Variants in NEDD4 observed in about 807,000 individuals in gnomAD.
The protein encoded by NEDD4 is E3 ubiquitin-protein ligase NEDD4.
A neutral mutation model predicts 144.9 loss-of-function variants in NEDD4; 99 were observed. The ratio of observed to expected loss-of-function variants is 0.68; its 90% CI spans 0.58 to 0.81. The LOEUF (loss-of-function observed/expected upper bound fraction) is 0.81, where lower values mean the gene tolerates loss of function less well. Among genes scored for constraint, NEDD4 ranks in the 30% least tolerant of loss-of-function variants. The pLI is 0.00. For synonymous variants in NEDD4, 318 were observed against 350.6 expected (o/e 0.91, Z 1.04); for missense variants, 985 against 1,065.9 (o/e 0.92, Z 1.06).
At chr15:55,897,178 T>C (rs7168091) in intron 5 of NEDD4, among the ~76,000 whole-genome samples, 1 of 152,118 alleles carries the variant, frequency 6.6e-6, no homozygotes, top group African/African-American at 2.4e-5. Flanking sequence ...TTTCACTGTG[T>C]TACCCAGGAT....
intron 2 of NEDD4, among the ~76,000 whole-genome samples, chr15:55,956,587 T>C (rs1176702242): frequency 2.6e-5 from 4 of 152,174 alleles, no homozygotes; most frequent in Non-Finnish European, 5.9e-5. Context: ...GCTGATCATA[T>C]ATATGTGTAT....
chr15:55,851,216 C>G (rs2033967104), intron 13 of NEDD4, among the ~76,000 whole-genome samples: 1 of 152,090 alleles, frequency 6.6e-6, no homozygotes, highest in African/African-American at 2.4e-5. Context: ...TGGCAAATAT[C>G]TACCACAGAA....
At chr15:55,841,515 A>G (rs2141984383) in intron 19 of NEDD4, among the ~76,000 whole-genome samples, 1 of 152,300 alleles carries the variant, frequency 6.6e-6, no homozygotes, top group South Asian at 2.1e-4. Context: ...CTAGAGTTGG[A>G]TAGTGGGATG....
chr15:55,879,468 C>A (rs1195146391), intron 5 of NEDD4, among the ~76,000 whole-genome samples: 1 of 152,156 alleles, frequency 6.6e-6, no homozygotes, highest in South Asian at 2.1e-4. Context: ...AAGTGAAGTC[C>A]ACTAGTCAGT....
In NEDD4 at chr15:55,863,061, C is replaced by A; in HGVS notation, c.526G>T (p.Asp176Tyr). ...AAATGGCAAGCAGCATCTGGTTGGT[C>A]CAAAACAACCCAGCCAGGCTGAAAA... ...EELEPGWVVL[D>Y]QPDAACHLQQ... The change falls in exon 9 of 29, where the codon GAC (aspartate) becomes TAC (tyrosine). Residue 176 changes from aspartate (D) to tyrosine (Y), a missense_variant. Asp to Tyr is a radical substitution (Grantham distance 160, BLOSUM62 -3). Coordinates refer to ENST00000435532, the MANE Select transcript of NEDD4 (RefSeq NM_006154.4). 1 of 1,585,444 alleles carries A rather than the reference C, an allele frequency of 6.3e-7. No individual in the cohort carries two copies. The highest frequency in any genetic ancestry group is 8.6e-7 in the Non-Finnish European group (1 of 1,161,138).
chr15:55,843,210 G>A (rs930628372), intron 18 of NEDD4, among the ~76,000 whole-genome samples: 4 of 152,154 alleles, frequency 2.6e-5, no homozygotes, highest in Non-Finnish European at 5.9e-5. Flanking sequence ...TAAATTGCCT[G>A]GTCTCAGGTA....
At chr15:55,947,787 T>C (rs1298138246) in intron 4 of NEDD4, among the ~76,000 whole-genome samples, 1 of 152,172 alleles carries the variant, frequency 6.6e-6, no homozygotes, top group African/African-American at 2.4e-5. Flanking sequence ...AATTAGGTAT[T>C]GATGGGACGT....
chr15:55,839,973 C>CAAAAAAAAAAAA (rs1157411288), intron 21 of NEDD4, among the ~76,000 whole-genome samples: 2 of 12,108 alleles, frequency 1.7e-4, no homozygotes, highest in Non-Finnish European at 1.3e-4. Flanking sequence ...CACTCTGTCT[C>CAAAAAAAAAAAA]AAAAAAAAAA....
At chr15:55,951,674 G>T in intron 2 of NEDD4, 85 bp from the exon 3 acceptor site, 1 of 995,108 alleles carries the variant, frequency 1.0e-6, no homozygotes, top group Non-Finnish European at 1.4e-6. Context: ...AAAATTCACA[G>T]TTTTCCTTGT....
At chr15:55,894,182 G>T (rs2035664233) in intron 5 of NEDD4, among the ~76,000 whole-genome samples, 1 of 152,080 alleles carries the variant, frequency 6.6e-6, no homozygotes, top group South Asian at 2.1e-4. Context: ...AAACTGTATA[G>T]TCAGCTCTCT....
At chr15:55,983,285 GGTGT>G (rs756080748) in intron 1 of NEDD4, among the ~76,000 whole-genome samples, 19 of 148,164 alleles carry the variant, frequency 1.3e-4, no homozygotes, top group Middle Eastern at 3.6e-3. Context: ...TGACGACAAT[GGTGT>G]GTGTGTGTGT....
At chr15:55,861,416 T>A (rs1244892670) in intron 9 of NEDD4, among the ~76,000 whole-genome samples, 1 of 152,066 alleles carries the variant, frequency 6.6e-6, no homozygotes, top group Non-Finnish European at 1.5e-5. Flanking sequence ...ATAAATCAGA[T>A]TGGACGGTTA....
chr15:55,840,576 T>A (rs1164365056), intron 20 of NEDD4, 30 bp downstream of exon 20: 1 of 1,613,468 alleles, frequency 6.2e-7, no homozygotes, highest in Admixed American at 1.7e-5. Flanking sequence ...CAGGTAATTA[T>A]ATTGTAAAAA....
chr15:55,851,025 T>C (rs2033961787), intron 13 of NEDD4, among the ~76,000 whole-genome samples: 1 of 152,214 alleles, frequency 6.6e-6, no homozygotes, highest in East Asian at 1.9e-4. Context: ...AGTAAGATGT[T>C]AGTTAACAGT....
intron 28 of NEDD4, 96 bp from the exon 29 acceptor site, chr15:55,830,095 T>C: frequency 1.2e-6 from 1 of 829,240 alleles, no homozygotes; most frequent in Non-Finnish European, 1.9e-6. Context: ...ATGAGAATGT[T>C]CCAACACCAC....
At chr15:55,883,384 G>A (rs1293656233) in intron 5 of NEDD4, among the ~76,000 whole-genome samples, 2 of 152,178 alleles carry the variant, frequency 1.3e-5, no homozygotes, top group African/African-American at 4.8e-5. Context: ...GTACAAGGTA[G>A]ATTCCTAAGC....
intron 2 of NEDD4, among the ~76,000 whole-genome samples, chr15:55,965,687 T>TATGTATGTATGTATGC (rs1228264253): frequency 2.7e-5 from 4 of 150,426 alleles, no homozygotes; most frequent in African/African-American, 9.8e-5. Context: ...TGTATGTATG[T>TATGTATGTATGTATGC]ATGCATGCAT....
intron 5 of NEDD4, among the ~76,000 whole-genome samples, chr15:55,904,895 C>A (rs1329340101): frequency 6.6e-6 from 1 of 151,938 alleles, no homozygotes; most frequent in Non-Finnish European, 1.5e-5. Flanking sequence ...GAGTTTGAGA[C>A]TAGCCTGACC....
intron 4 of NEDD4, among the ~76,000 whole-genome samples, chr15:55,940,518 T>TTTCTC (rs2036978860): frequency 9.4e-6 from 1 of 106,192 alleles, no homozygotes; most frequent in Admixed American, 9.6e-5. Flanking sequence ...CTCCTCCCCC[T>TTTCTC]TCTCTCTCTC....
Sources: allele counts gnomAD v4.1 joint callset (sites outside exome capture counted in the v4.1 genomes callset), GRCh38; gene constraint gnomAD v4.1.1; transcripts MANE v1.5; gene names NCBI Gene and HGNC (gene_info 2026-07-23, HGNC 2026-07-21).